SH3BGRL2: variants seen among roughly 807,000 people sequenced by gnomAD.
SH3BGRL2 encodes the protein SH3 domain binding glutamate rich protein like 2.
In SH3BGRL2, 21 loss-of-function variants were observed where a neutral mutation model predicts 14.8. That is an observed-to-expected ratio of 1.42 (90% CI 1.01 to 2.05). The LOEUF (loss-of-function observed/expected upper bound fraction) is 2.05, where lower values mean the gene tolerates loss of function less well. Ranked by LOEUF, SH3BGRL2 falls within the 30% of genes most tolerant of loss-of-function variation. SH3BGRL2 has a pLI of 0.00. For missense variants in SH3BGRL2, 147 were observed against 130.8 expected (o/e 1.12, Z -0.61); for synonymous variants, 50 against 47.8 (o/e 1.05, Z -0.19).
the SH3BGRL2 span, among the ~76,000 whole-genome samples, chr6:79,622,405 T>C: frequency 6.6e-6 from 1 of 152,202 alleles, no homozygotes; most frequent in Non-Finnish European, 1.5e-5. Flanking sequence ...CTATTACTTA[T>C]TCTACTTTAC....
the SH3BGRL2 span, among the ~76,000 whole-genome samples, chr6:79,550,933 A>G: frequency 6.6e-6 from 1 of 152,320 alleles, no homozygotes; most frequent in African/African-American, 2.4e-5. Flanking sequence ...ATGCCCCAGG[A>G]AAACTATATT....
At chr6:79,688,037 A>G (rs1043776516) in intron 2 of SH3BGRL2, among the ~76,000 whole-genome samples, 1 of 152,178 alleles carries the variant, frequency 6.6e-6, no homozygotes, top group African/African-American at 2.4e-5. Context: ...TTAGTCCATA[A>G]TGGTCTAATC....
At chr6:79,578,072 G>T in the SH3BGRL2 span, among the ~76,000 whole-genome samples, 1 of 152,264 alleles carries the variant, frequency 6.6e-6, no homozygotes, top group African/African-American at 2.4e-5. Context: ...TGGGAGAGGG[G>T]CATCTGCCAT....
the SH3BGRL2 span, among the ~76,000 whole-genome samples, chr6:79,541,762 CTG>C: frequency 2.0e-5 from 3 of 152,170 alleles, no homozygotes; most frequent in Non-Finnish European, 4.4e-5. Context: ...AACTGGAATG[CTG>C]TTACTAGAAG....
At chr6:79,620,498 A>T in the SH3BGRL2 span, among the ~76,000 whole-genome samples, 3 of 152,078 alleles carry the variant, frequency 2.0e-5, no homozygotes, top group Admixed American at 2.0e-4. Context: ...TATATCACCC[A>T]TTGGTCCTCG....
chr6:79,632,307 G>C (rs928010640), intron 1 of SH3BGRL2, among the ~76,000 whole-genome samples: 1 of 152,128 alleles, frequency 6.6e-6, no homozygotes, highest in Non-Finnish European at 1.5e-5. Flanking sequence ...AGAGATGTCA[G>C]AATTTAAGGA....
At chr6:79,697,101 ATG>A (rs2127740089) in intron 3 of SH3BGRL2, among the ~76,000 whole-genome samples, 1 of 152,284 alleles carries the variant, frequency 6.6e-6, no homozygotes, top group African/African-American at 2.4e-5. Context: ...ACTAGAAATG[ATG>A]TGTGTTATCA....
At chr6:79,660,701 T>C (rs1360028657) in intron 1 of SH3BGRL2, among the ~76,000 whole-genome samples, 1 of 152,208 alleles carries the variant, frequency 6.6e-6, no homozygotes, top group African/African-American at 2.4e-5. Flanking sequence ...TTGGAATAGT[T>C]TCAGAAGGAA....
the SH3BGRL2 span, among the ~76,000 whole-genome samples, chr6:79,580,991 TC>T: frequency 6.6e-6 from 1 of 152,120 alleles, no homozygotes; most frequent in African/African-American, 2.4e-5. Flanking sequence ...CAAGCTACCA[TC>T]AGAGAATACT....
the SH3BGRL2 span, among the ~76,000 whole-genome samples, chr6:79,587,679 A>G: frequency 1.3e-5 from 2 of 152,194 alleles, no homozygotes; most frequent in African/African-American, 4.8e-5. Flanking sequence ...CTTAAGTTCT[A>G]TGGCTGGTCT....
intron 3 of SH3BGRL2, 135 bp from the exon 4 acceptor site, chr6:79,699,363 C>T: frequency 9.6e-7 from 1 of 1,037,724 alleles, no homozygotes; most frequent in Non-Finnish European, 1.3e-6. Flanking sequence ...TTATCAATCA[C>T]ATGGAGGTGA....
the SH3BGRL2 span, among the ~76,000 whole-genome samples, chr6:79,542,212 T>A: frequency 6.6e-6 from 1 of 152,120 alleles, no homozygotes; most frequent in African/African-American, 2.4e-5. Flanking sequence ...GAACTGGAAT[T>A]GTGCCAGTTA....
At chr6:79,640,518 G>T (rs892346994) in intron 1 of SH3BGRL2, among the ~76,000 whole-genome samples, 30 of 152,106 alleles carry the variant, frequency 2.0e-4, no homozygotes, top group Non-Finnish European at 4.1e-4. Flanking sequence ...ACAGCCTCTG[G>T]GACAATTTGG....
Position 79,700,178 on chromosome 6 carries a change from T to C in SH3BGRL2, c.*669T>C, listed in dbSNP as rs1177626049. 7 of 152,198 alleles carry C rather than the reference T, an allele frequency of 4.6e-5. No homozygotes were observed. Among genetic ancestry groups the C allele is most frequent in the Non-Finnish European group, 2.9e-5 (2 of 68,040 alleles). 9.4% of individuals were successfully genotyped at this position (152,198 alleles called of 1,614,324 possible). On this transcript the variant is annotated 3_prime_UTR_variant, in exon 4 of 4. Transcript: ENST00000369838. ...AACTAAGTTACTGGGATGACAATAA[T>C]TGCTATTTGAAATATATGCTTCTTT...
chr6:79,568,417 T>C, the SH3BGRL2 span, among the ~76,000 whole-genome samples: 1 of 152,198 alleles, frequency 6.6e-6, no homozygotes, highest in Non-Finnish European at 1.5e-5. Context: ...GACTATAGCT[T>C]CATGTGTCCA....
the SH3BGRL2 span, among the ~76,000 whole-genome samples, chr6:79,597,468 C>T: frequency 6.6e-6 from 1 of 152,006 alleles, no homozygotes; most frequent in Non-Finnish European, 1.5e-5. Context: ...TAAGTCCTCA[C>T]ATTTAGGGTC....
the SH3BGRL2 span, among the ~76,000 whole-genome samples, chr6:79,583,444 AT>A: frequency 4.6e-5 from 7 of 152,184 alleles, no homozygotes; most frequent in Non-Finnish European, 1.0e-4. Context: ...ATGGAATACT[AT>A]GCAGCCATAA....
chr6:79,600,769 G>T, the SH3BGRL2 span, among the ~76,000 whole-genome samples: 1 of 152,178 alleles, frequency 6.6e-6, no homozygotes, highest in Non-Finnish European at 1.5e-5. Context: ...TTAATGCTGA[G>T]AAAAGCACTT....
the SH3BGRL2 span, among the ~76,000 whole-genome samples, chr6:79,608,691 G>A: frequency 1.3e-5 from 2 of 152,128 alleles, no homozygotes; most frequent in African/African-American, 4.8e-5. Flanking sequence ...TAAAATTTTT[G>A]TTGCATGTTT....
Sources: allele counts gnomAD v4.1 joint callset (sites outside exome capture counted in the v4.1 genomes callset), GRCh38; gene constraint gnomAD v4.1.1; transcripts MANE v1.5; gene names NCBI Gene and HGNC (gene_info 2026-07-23, HGNC 2026-07-21).